L3MBTL4: variants seen among roughly 807,000 people sequenced by gnomAD.
The protein encoded by L3MBTL4 is lethal(3)malignant brain tumor-like protein 4.
A neutral mutation model predicts 84.5 loss-of-function variants in L3MBTL4; 70 were observed. The observed-to-expected ratio is 0.83, with a 90% CI of 0.68 to 1.01. L3MBTL4 has a LOEUF of 1.01. L3MBTL4 is among the 50% of genes least tolerant of loss of function. The pLI, the probability that L3MBTL4 is intolerant of heterozygous loss-of-function variation, is 0.00. For missense variants in L3MBTL4, 715 were observed against 754.8 expected, an observed-to-expected ratio of 0.95 and a Z score of 0.62; for synonymous variants, 274 against 259.8, an observed-to-expected ratio of 1.05 and a Z score of -0.52.
rs185787102 is a variant in L3MBTL4 at position 5,991,666 on chromosome 18, A to T, written c.1445-22104T>A. ...TCAAGATTTTTAAAAAATTGAATTTAAAAGAACAAAGAATTAGCCAGCCCC... is the reference window on the plus strand; with the variant it reads ...TCAAGATTTTTAAAAAATTGAATTTTAAAGAACAAAGAATTAGCCAGCCCC... On this transcript the variant is annotated intron_variant, in intron 16 of 18. Transcript: ENST00000317931. 5.4e-3 allele frequency among the ~76,000 whole-genome samples: 822 copies of T among 152,348 alleles called. 2 individuals are homozygous for T. Among genetic ancestry groups the T allele is most frequent in the Non-Finnish European group, 9.1e-3 (619 of 68,034 alleles).
Position 6,266,371 on chromosome 18 carries a change from A to G in L3MBTL4, c.128-2333T>C, listed in dbSNP as rs1204020709. On this transcript the variant is annotated intron_variant, in intron 4 of 18. Transcript: ENST00000317931. The stretch of plus-strand genomic sequence containing the variant: ...TATCTGCAAGTATTACTACTTAGCT[A>G]TACACACACACATCCTTGGAGAATA... 1.5e-4 allele frequency among the ~76,000 whole-genome samples: 23 copies of G among 152,236 alleles called. 1 individual carries two copies. The highest frequency in any genetic ancestry group is 1.5e-3 in the Admixed American group (23 of 15,290).
intron 16 of L3MBTL4, among the ~76,000 whole-genome samples, chr18:6,020,138 G>A (rs2055183424): frequency 6.6e-6 from 1 of 152,154 alleles, no homozygotes; most frequent in Non-Finnish European, 1.5e-5. Flanking sequence ...GACGGGAGAA[G>A]TATAGGGATT....
intron 5 of L3MBTL4, among the ~76,000 whole-genome samples, chr18:6,249,133 C>T (rs1313491422): frequency 2.0e-5 from 3 of 152,110 alleles, no homozygotes; most frequent in Non-Finnish European, 4.4e-5. Flanking sequence ...GTGTGACTAC[C>T]TCCTGTTCAC....
intron 16 of L3MBTL4, among the ~76,000 whole-genome samples, chr18:6,059,967 C>T (rs2057151866): frequency 6.6e-6 from 1 of 152,094 alleles, no homozygotes; most frequent in South Asian, 2.1e-4. Flanking sequence ...ATCTTGTAAG[C>T]TTTTGTTATT....
intron 14 of L3MBTL4, among the ~76,000 whole-genome samples, chr18:6,135,682 C>A (rs571852553): frequency 6.6e-6 from 1 of 152,328 alleles, no homozygotes; most frequent in South Asian, 2.1e-4. Context: ...TCTGAGACCA[C>A]CTCAGCCTTA....
At chr18:6,179,025 A>G (rs2044348716) in intron 12 of L3MBTL4, among the ~76,000 whole-genome samples, 2 of 152,120 alleles carry the variant, frequency 1.3e-5, no homozygotes, top group African/African-American at 4.8e-5. Context: ...ACATCTTCTC[A>G]TTGTTCTTTT....
At chr18:6,066,376 C>T (rs1364458795) in intron 16 of L3MBTL4, among the ~76,000 whole-genome samples, 1 of 152,046 alleles carries the variant, frequency 6.6e-6, no homozygotes, top group African/African-American at 2.4e-5. Flanking sequence ...TCCATTTGTT[C>T]TAGGGTATAG....
intron 18 of L3MBTL4, among the ~76,000 whole-genome samples, chr18:5,959,610 G>A (rs939923807): frequency 2.0e-5 from 3 of 152,176 alleles, no homozygotes; most frequent in South Asian, 2.1e-4. Context: ...GGATAGATAG[G>A]AGGGTCCCAT....
intron 16 of L3MBTL4, among the ~76,000 whole-genome samples, chr18:6,021,763 C>A (rs186366681): frequency 6.6e-6 from 1 of 151,042 alleles, no homozygotes; most frequent in Non-Finnish European, 1.5e-5. Flanking sequence ...CCTGGTGCAG[C>A]GGGGTGGGGG....
At chr18:6,168,413 C>T (rs565835238) in intron 13 of L3MBTL4, among the ~76,000 whole-genome samples, 31 of 151,776 alleles carry the variant, frequency 2.0e-4, no homozygotes, top group Admixed American at 6.6e-4. Flanking sequence ...CATCACACTA[C>T]CTGACTTCAA....
intron 1 of L3MBTL4, among the ~76,000 whole-genome samples, chr18:6,406,147 G>A (rs1446152353): frequency 6.6e-6 from 1 of 152,228 alleles, no homozygotes. Context: ...AACAAAGGTT[G>A]ACATGACATC....
At chr18:6,377,102 C>G (rs2054400138) in intron 1 of L3MBTL4, among the ~76,000 whole-genome samples, 1 of 152,158 alleles carries the variant, frequency 6.6e-6, no homozygotes, top group South Asian at 2.1e-4. Context: ...CACCTGGCCC[C>G]CTGTCTCAAG....
chr18:6,273,444 G>C (rs1303387505), intron 4 of L3MBTL4, among the ~76,000 whole-genome samples: 1 of 86,124 alleles, frequency 1.2e-5, no homozygotes, highest in Non-Finnish European at 2.2e-5. Flanking sequence ...TCAGGAGCAC[G>C]GGGAAAGGGA....
intron 16 of L3MBTL4, among the ~76,000 whole-genome samples, chr18:6,007,445 T>A (rs902521803): frequency 2.0e-5 from 3 of 152,122 alleles, no homozygotes; most frequent in African/African-American, 7.2e-5. Flanking sequence ...TGGAAAAAAA[T>A]TCAAATGTTT....
chr18:6,225,707 C>T (rs1486367218), intron 10 of L3MBTL4, among the ~76,000 whole-genome samples: 1 of 149,998 alleles, frequency 6.7e-6, no homozygotes, highest in African/African-American at 2.5e-5. Flanking sequence ...TTGCAGTGAG[C>T]CAAGGTCGTG....
At chr18:6,153,964 T>C (rs2042996330) in intron 13 of L3MBTL4, among the ~76,000 whole-genome samples, 1 of 152,188 alleles carries the variant, frequency 6.6e-6, no homozygotes, top group Admixed American at 6.5e-5. Flanking sequence ...AACAGACTAA[T>C]ACAGTTTTCT....
chr18:5,994,424 A>G (rs2053852566), intron 16 of L3MBTL4, among the ~76,000 whole-genome samples: 1 of 152,232 alleles, frequency 6.6e-6, no homozygotes, highest in South Asian at 2.1e-4. Context: ...TTAGATGCTC[A>G]CATGGCACTT....
At chr18:6,236,050 T>C (rs1269115924) in intron 10 of L3MBTL4, among the ~76,000 whole-genome samples, 2 of 152,232 alleles carry the variant, frequency 1.3e-5, no homozygotes, top group African/African-American at 4.8e-5. Flanking sequence ...TGCACCACTA[T>C]CAAAACCCCA....
At position 6,343,635 on chromosome 18, in the gene L3MBTL4, C is replaced by T. The variant is rs565527048; in HGVS notation, c.-90-31579G>A. Among the ~76,000 whole-genome samples, 3 of 144,524 alleles carry T rather than the reference C, an allele frequency of 2.1e-5. No individual in the cohort carries two copies. The East Asian group carries it at 6.1e-4, about 29-fold the overall frequency. 94.8% of individuals were successfully genotyped at this position (144,524 alleles called of 152,430 possible). A position where few individuals can be genotyped will look rare whatever the true frequency, so the allele number is the denominator to read the frequency against. Reference sequence around the variant, plus strand: ...CAAGATCGCACCACTGCACTCCAGCCTTGGCAACAGAGCGAGACACCATAT... The same window carrying T: ...CAAGATCGCACCACTGCACTCCAGCTTTGGCAACAGAGCGAGACACCATAT... On this transcript the variant is annotated intron_variant, in intron 1 of 18. Transcript: ENST00000317931.
Sources: allele counts gnomAD v4.1 joint callset (sites outside exome capture counted in the v4.1 genomes callset), GRCh38; gene constraint gnomAD v4.1.1; transcripts MANE v1.5; gene names NCBI Gene and HGNC (gene_info 2026-07-23, HGNC 2026-07-21).